The following FNDC1 variants were observed in gnomAD, a reference collection of about 807,000 sequenced individuals.
The protein encoded by FNDC1 is fibronectin type III domain containing 1, also known as fibronectin type III domain-containing protein 1.
In FNDC1, 96 loss-of-function variants were observed where a neutral mutation model predicts 168.0. The observed-to-expected ratio is 0.57, with a 90% CI of 0.48 to 0.68. FNDC1 has a LOEUF of 0.68. Ranked by LOEUF, FNDC1 falls within the 30% of genes least tolerant of loss-of-function variation. The pLI, the probability that FNDC1 is intolerant of heterozygous loss-of-function variation, is 0.00. For synonymous variants in FNDC1, 1,099 were observed against 1,025.9 expected (o/e 1.07, Z -1.36); for missense variants, 2,587 against 2,482.1 (o/e 1.04, Z -0.90).
chr6:159,246,780 T>C, intron 14 of FNDC1, 121 bp from the exon 15 acceptor site: 1 of 684,556 alleles, frequency 1.5e-6, no homozygotes, highest in South Asian at 1.8e-5. Flanking sequence ...GACCCTGGCC[T>C]TGGGGACTTG....
chr6:159,229,985 A>G lies in FNDC1; in HGVS notation c.1351A>G (p.Ile451Val), dbSNP rs1438620209. ...RGLGPHSKAF[I>V]VAMPTTSKAD... ...CCTGGGACCTCACTCCAAAGCCTTC[A>G]TTGTCGCTATGCCAACAAGTAAGCA... The change falls in exon 10 of 23, where the codon ATT becomes GTT. Residue 451 changes from isoleucine to valine, a missense_variant. Physicochemically the swap from Ile to Val is conservative, Grantham distance 29. Coordinates refer to ENST00000297267, the MANE Select transcript of FNDC1 (RefSeq NM_032532.3). 7.4e-6 allele frequency: 12 copies of G among 1,613,242 alleles called. No individual in the cohort carries two copies. The highest frequency in any genetic ancestry group is 8.5e-6 in the Non-Finnish European group (10 of 1,179,658).
At chr6:159,190,888 G>A (rs1782122796) in intron 1 of FNDC1, among the ~76,000 whole-genome samples, 1 of 152,108 alleles carries the variant, frequency 6.6e-6, no homozygotes, top group Non-Finnish European at 1.5e-5. Flanking sequence ...TATTCCATTT[G>A]GTATTTGTAT....
chr6:159,228,507 T>C (rs1049613518), intron 9 of FNDC1, among the ~76,000 whole-genome samples: 13 of 152,092 alleles, frequency 8.5e-5, no homozygotes, highest in African/African-American at 2.4e-4. Flanking sequence ...ATGCTGTTTT[T>C]TCCAGACAAA....
At chr6:159,268,001 G>C (rs1214048830) in intron 22 of FNDC1, 75 bp downstream of exon 22, 2 of 1,493,030 alleles carry the variant, frequency 1.3e-6, no homozygotes, top group Non-Finnish European at 1.8e-6. Flanking sequence ...AAAATCCACA[G>C]TAGGTCTGCC....
rs1357400372 is a variant in FNDC1, at chr6:159,234,533, C to T, written c.3967+54C>T. ...TTAAGGTGTTCAGTGGTGTTCATGG[C>T]AATGCCTAAGAAGTTTTTATTCTAT... On this transcript the variant is annotated intron_variant, in intron 11 of 22. Transcript: ENST00000297267. 1.5e-5 allele frequency: 24 copies of T among 1,553,954 alleles called. No individual in the cohort carries two copies. The South Asian group carries it at 2.8e-4, about 18-fold the overall frequency.
chr6:159,172,175 A>G (rs1449453102), intron 1 of FNDC1, among the ~76,000 whole-genome samples: 1 of 152,246 alleles, frequency 6.6e-6, no homozygotes, highest in East Asian at 1.9e-4. Flanking sequence ...AATGGGAAGG[A>G]CACATAAGTT....
At position 159,261,269 on chromosome 6, in the gene FNDC1, G is replaced by C; in HGVS notation, c.5254G>C (p.Asp1752His). 2.5e-6 allele frequency: 4 copies of C among 1,603,238 alleles called. No individual in the cohort carries two copies. The highest frequency in any genetic ancestry group is 3.4e-6 in the Non-Finnish European group (4 of 1,171,936). The change falls in exon 19 of 23, where the codon GAT becomes CAT. Residue 1752 changes from aspartate (D) to histidine (H), a missense_variant and splice_region_variant. By Grantham distance (81) the Asp-to-His change is moderately conservative. Transcript: ENST00000297267. The stretch of plus-strand genomic sequence containing the variant: ...TTCGGTCTCATTTGTCACCGAATCA[G>C]GTATGAATGACTTCACATTCTGATT... ...SPSVSFVTES[D>H]NPLLVVRPPG... is the part of the protein sequence containing the mutation.
At position 159,215,006 on chromosome 6, in the gene FNDC1, C is replaced by A. The variant is rs368782465; in HGVS notation, c.522C>A (p.Ser174=). 6.2e-7 allele frequency: 1 copy of A among 1,613,882 alleles called. No individual in the cohort carries two copies. Among genetic ancestry groups the A allele is most frequent in the Admixed American group, 1.7e-5 (1 of 60,006 alleles). Residue 174 remains serine, a synonymous_variant, in exon 5 of 23, where the codon TCC becomes TCA. Transcript: ENST00000297267. ...VRVRSSDDRL[S]VAWKAPRLSG... is the part of the protein sequence containing the mutation. ...TCCGGTCCTCAGATGACAGGCTGTC[C>A]GTTGCGTGGAAGGCACCACGCCTGT...
chr6:159,253,381 G>A (rs1337140332), intron 17 of FNDC1, among the ~76,000 whole-genome samples: 1 of 152,158 alleles, frequency 6.6e-6, no homozygotes, highest in Non-Finnish European at 1.5e-5. Context: ...GAACAACGAA[G>A]CCAAGTGAAT....
At chr6:159,259,273 G>A (rs1777432004) in intron 18 of FNDC1, among the ~76,000 whole-genome samples, 1 of 152,150 alleles carries the variant, frequency 6.6e-6, no homozygotes, top group South Asian at 2.1e-4. Flanking sequence ...TTGTTTTTCA[G>A]CTCAGCATAT....
intron 1 of FNDC1, among the ~76,000 whole-genome samples, chr6:159,194,372 G>A (rs976077165): frequency 2.0e-5 from 3 of 152,196 alleles, no homozygotes; most frequent in African/African-American, 7.2e-5. Context: ...TGGATAGATA[G>A]CTTTAAAGAA....
chr6:159,181,315 T>A (rs1323884698), intron 1 of FNDC1, among the ~76,000 whole-genome samples: 1 of 152,168 alleles, frequency 6.6e-6, no homozygotes, highest in African/African-American at 2.4e-5. Context: ...GATAAGCCCC[T>A]GAGATGCATT....
At chr6:159,269,257 C>CATCTATCTATCTATCTATCTATCT (rs369450487) in intron 22 of FNDC1, among the ~76,000 whole-genome samples, 4 of 42,682 alleles carry the variant, frequency 9.4e-5, no homozygotes, top group South Asian at 9.2e-4. Context: ...ATCCATCTAT[C>CATCTATCTATCTATCTATCTATCT]ATCTATCTAT....
chr6:159,268,388 A>T (rs900604695), intron 22 of FNDC1, among the ~76,000 whole-genome samples: 3 of 152,230 alleles, frequency 2.0e-5, no homozygotes, highest in African/African-American at 7.2e-5. Flanking sequence ...TATTTTCCAG[A>T]CATGAGATGT....
At chr6:159,264,841 A>G (rs1442958718) in intron 19 of FNDC1, 134 bp from the exon 20 acceptor site, 2 of 647,538 alleles carry the variant, frequency 3.1e-6, no homozygotes, top group Non-Finnish European at 5.2e-6. Context: ...ACCAAGGAAA[A>G]CGTTGGCATC....
At chr6:159,174,010 A>G (rs950764550) in intron 1 of FNDC1, among the ~76,000 whole-genome samples, 1 of 152,194 alleles carries the variant, frequency 6.6e-6, no homozygotes, top group Non-Finnish European at 1.5e-5. Flanking sequence ...ACCTCTTTTC[A>G]TTGGCCCCCC....
chr6:159,269,506 CCATCCATG>C (rs1483535484), intron 22 of FNDC1, among the ~76,000 whole-genome samples: 88 of 116,828 alleles, frequency 7.5e-4, no homozygotes, highest in African/African-American at 1.9e-3. Context: ...ATCTATCCAT[CCATCCATG>C]CATCCATCCA....
At chr6:159,246,381 A>G (rs1777124951) in intron 14 of FNDC1, among the ~76,000 whole-genome samples, 1 of 152,210 alleles carries the variant, frequency 6.6e-6, no homozygotes, top group Admixed American at 6.5e-5. Flanking sequence ...CTTCTAGAAT[A>G]TTCCAGAAGC....
intron 9 of FNDC1, among the ~76,000 whole-genome samples, chr6:159,227,644 C>T (rs1395831233): frequency 5.6e-4 from 59 of 106,184 alleles, no homozygotes; most frequent in African/African-American, 3.0e-3. Context: ...ATTCTTCTTT[C>T]TCTTTTTTTT....
Sources: gnomAD v4.1 joint callset for allele counts (sites outside exome capture counted in the v4.1 genomes callset) on GRCh38, gnomAD v4.1.1 for gene constraint, MANE v1.5 for transcripts, NCBI Gene and HGNC (gene_info 2026-07-23, HGNC 2026-07-21) for gene names.